Variants in SYCP2L observed in about 807,000 individuals in gnomAD.
SYCP2L encodes the protein synaptonemal complex protein 2-like.
A neutral mutation model predicts 125.8 loss-of-function variants in SYCP2L; 98 were observed. That is an observed-to-expected ratio of 0.78 (90% CI 0.66 to 0.92). The LOEUF (loss-of-function observed/expected upper bound fraction) is 0.92, where lower values mean the gene tolerates loss of function less well. SYCP2L is among the 40% of genes least tolerant of loss of function. SYCP2L has a pLI of 0.00. For synonymous variants in SYCP2L, 317 were observed against 325.4 expected (o/e 0.97, Z 0.28); for missense variants, 842 against 936.4 (o/e 0.90, Z 1.32).
chr6:10,903,108 T>C, intron 8 of SYCP2L, 145 bp downstream of exon 8: 1 of 675,288 alleles, frequency 1.5e-6, no homozygotes, highest in Non-Finnish European at 2.5e-6. Context: ...TGTCAGGCAC[T>C]ATGCTAGGTG....
At chr6:10,958,748 A>T (rs1250121306) in intron 25 of SYCP2L, 36 bp from the exon 26 acceptor site, 19 of 1,562,026 alleles carry the variant, frequency 1.2e-5, no homozygotes, top group Non-Finnish European at 1.7e-5. Flanking sequence ...TAATTATATT[A>T]AATGTGATCA....
intron 14 of SYCP2L, among the ~76,000 whole-genome samples, chr6:10,917,511 G>A (rs1055723683): frequency 6.6e-6 from 1 of 152,056 alleles, no homozygotes; most frequent in Non-Finnish European, 1.5e-5. Context: ...CTTTTTCCAC[G>A]CCTTTACCTT....
At chr6:10,891,020 C>T (rs537322243) in intron 1 of SYCP2L, among the ~76,000 whole-genome samples, 1 of 152,284 alleles carries the variant, frequency 6.6e-6, no homozygotes, top group Admixed American at 6.5e-5. Flanking sequence ...TTTATCTATT[C>T]TGTTCCATTG....
chr6:10,935,039 A>G lies in SYCP2L; in HGVS notation c.1684-19A>G. 1 of 1,568,554 alleles carries G rather than the reference A, an allele frequency of 6.4e-7. No homozygotes were observed. Among genetic ancestry groups the G allele is most frequent in the Non-Finnish European group, 8.6e-7 (1 of 1,162,312 alleles). ...TTTAATTATGAATGTTAACACTTAAAAAAGATACTATATTTTAGGCTAAGC... is the reference window on the plus strand; with the variant it reads ...TTTAATTATGAATGTTAACACTTAAGAAAGATACTATATTTTAGGCTAAGC... On this transcript the variant is annotated intron_variant, in intron 20 of 29. Coordinates refer to ENST00000283141, the MANE Select transcript of SYCP2L (RefSeq NM_001040274.3).
intron 1 of SYCP2L, among the ~76,000 whole-genome samples, chr6:10,888,201 A>G (rs1366070291): frequency 6.9e-6 from 1 of 144,136 alleles, no homozygotes; most frequent in African/African-American, 2.6e-5. Flanking sequence ...GGTTCAAGCG[A>G]TTCTCCTACC....
intron 15 of SYCP2L, among the ~76,000 whole-genome samples, chr6:10,925,854 C>T (rs1299345850): frequency 2.6e-5 from 4 of 152,154 alleles, no homozygotes; most frequent in South Asian, 4.1e-4. Flanking sequence ...ACATCGAAAT[C>T]ATATGTCTTT....
chr6:10,926,063 T>C (rs1561689690), intron 15 of SYCP2L, among the ~76,000 whole-genome samples: 1 of 152,024 alleles, frequency 6.6e-6, no homozygotes, highest in Non-Finnish European at 1.5e-5. Context: ...CGTTACCCAA[T>C]GGGGTAAGAC....
In SYCP2L at chr6:10,957,881, T is replaced by C. The variant is rs140100664; in HGVS notation, c.2164-903T>C. On this transcript the variant is annotated intron_variant, in intron 25 of 29. Coordinates refer to ENST00000283141, the MANE Select transcript of SYCP2L (RefSeq NM_001040274.3). ...GGTGGACTGTGGGTTGGTGGCCGGCTGAGTGGTGGCAGACCTTTGAGACAC... is the reference window on the plus strand; with the variant it reads ...GGTGGACTGTGGGTTGGTGGCCGGCCGAGTGGTGGCAGACCTTTGAGACAC... Among the ~76,000 whole-genome samples, 8 of 152,284 alleles carry C rather than the reference T, an allele frequency of 5.3e-5. No individual in the cohort carries two copies. The East Asian group carries it at 1.5e-3, about 29-fold the overall frequency.
intron 20 of SYCP2L, among the ~76,000 whole-genome samples, chr6:10,932,443 G>C (rs1781012140): frequency 6.6e-6 from 1 of 152,282 alleles, no homozygotes; most frequent in East Asian, 1.9e-4. Context: ...TTTATAAGGA[G>C]TGGCTGCTGT....
chr6:10,933,677 G>A (rs1319091790), intron 20 of SYCP2L, among the ~76,000 whole-genome samples: 1 of 152,150 alleles, frequency 6.6e-6, no homozygotes, highest in Non-Finnish European at 1.5e-5. Context: ...ACGTTTATTA[G>A]ATGTGTCTTT....
intron 16 of SYCP2L, 94 bp from the exon 17 acceptor site, chr6:10,927,146 G>C: frequency 6.5e-7 from 1 of 1,536,290 alleles, no homozygotes; most frequent in Non-Finnish European, 8.8e-7. Context: ...CCAAAGGATG[G>C]AGAGGTACCA....
At chr6:10,904,139 C>T (rs1780441531) in intron 8 of SYCP2L, among the ~76,000 whole-genome samples, 1 of 152,200 alleles carries the variant, frequency 6.6e-6, no homozygotes, top group African/African-American at 2.4e-5. Context: ...GGAAGTGCCC[C>T]AAGGTTTCCA....
intron 21 of SYCP2L, among the ~76,000 whole-genome samples, chr6:10,940,044 C>T (rs1391813822): frequency 6.6e-6 from 1 of 151,946 alleles, no homozygotes; most frequent in East Asian, 1.9e-4. Context: ...GCTGAATAGA[C>T]ATTTTTCCAA....
rs1239055468 is a variant in SYCP2L, at chr6:10,942,217, C to T, written c.1814-242C>T. Among the ~76,000 whole-genome samples, 4 of 151,946 alleles carry T rather than the reference C, an allele frequency of 2.6e-5. No homozygotes were observed. The South Asian group carries it at 8.3e-4, about 32-fold the overall frequency. On this transcript the variant is annotated intron_variant, in intron 21 of 29. Transcript: ENST00000283141. Reference sequence around the variant, plus strand: ...ATGTTAAATGACGAGTTAATGGGTGCAGCACACCAACATGGCACATGTATA... The same window carrying T: ...ATGTTAAATGACGAGTTAATGGGTGTAGCACACCAACATGGCACATGTATA...
At chr6:10,955,387 T>G (rs778133422) in intron 24 of SYCP2L, among the ~76,000 whole-genome samples, 170 bp downstream of exon 24, 44 of 152,316 alleles carry the variant, frequency 2.9e-4, no homozygotes, top group Admixed American at 1.3e-3. Context: ...GTTGCACAAA[T>G]TATAGATAAA....
chr6:10,931,631 C>A, intron 20 of SYCP2L, 142 bp downstream of exon 20: 1 of 815,860 alleles, frequency 1.2e-6, no homozygotes, highest in Non-Finnish European at 2.0e-6. Context: ...ATTTCAAGGT[C>A]TTCTAAATGT....
At chr6:10,966,700 TTAA>T (rs1781684347) in intron 29 of SYCP2L, among the ~76,000 whole-genome samples, 1 of 151,940 alleles carries the variant, frequency 6.6e-6, no homozygotes, top group African/African-American at 2.4e-5. Flanking sequence ...TAGAAGGGAG[TTAA>T]TAATGAGTTT....
chr6:10,888,733 A>G (rs781727117), intron 1 of SYCP2L, among the ~76,000 whole-genome samples: 9 of 152,234 alleles, frequency 5.9e-5, no homozygotes, highest in Non-Finnish European at 8.8e-5. Context: ...GAAGCTTAAC[A>G]TAAAGGCTCC....
intron 24 of SYCP2L, 112 bp downstream of exon 24, chr6:10,955,329 A>G: frequency 1.6e-6 from 1 of 630,284 alleles, no homozygotes. Context: ...CATAGTAGCT[A>G]CAAAATCCTA....
Sources: allele counts gnomAD v4.1 joint callset (sites outside exome capture counted in the v4.1 genomes callset), GRCh38; gene constraint gnomAD v4.1.1; transcripts MANE v1.5; gene names NCBI Gene and HGNC (gene_info 2026-07-23, HGNC 2026-07-21).